CYP27A1: variants seen among roughly 807,000 people sequenced by gnomAD.
CYP27A1 encodes the protein cytochrome P450 family 27 subfamily A member 1.
Under a neutral mutation model 58.2 loss-of-function variants are expected in CYP27A1, and 46 were observed. The ratio of observed to expected loss-of-function variants is 0.79; its 90% CI spans 0.62 to 1.01. CYP27A1 has a LOEUF of 1.01. Among genes scored for constraint, CYP27A1 ranks in the 50% least tolerant of loss-of-function variants. CYP27A1 has a pLI of 0.00. For missense variants in CYP27A1, 704 were observed against 687.0 expected (o/e 1.02, Z -0.28); for synonymous variants, 274 against 285.1 (o/e 0.96, Z 0.39).
chr2:218,810,155 T>A (rs1943697480), intron 2 of CYP27A1, among the ~76,000 whole-genome samples: 1 of 152,006 alleles, frequency 6.6e-6, no homozygotes, highest in Non-Finnish European at 1.5e-5. Context: ...GGTGGGCACC[T>A]GTAATCCCAG....
chr2:218,805,423 G>T (rs921780758), intron 1 of CYP27A1, among the ~76,000 whole-genome samples: 1 of 152,194 alleles, frequency 6.6e-6, no homozygotes, highest in Non-Finnish European at 1.5e-5. Context: ...ATGTCATAAA[G>T]AAGTATGACA....
At chr2:218,794,975 A>C (rs1943532833) in intron 1 of CYP27A1, among the ~76,000 whole-genome samples, 1 of 152,192 alleles carries the variant, frequency 6.6e-6, no homozygotes, top group South Asian at 2.1e-4. Context: ...TGCATCCCTG[A>C]ATCCTGACAA....
At chr2:218,800,279 G>A (rs371155942) in intron 1 of CYP27A1, among the ~76,000 whole-genome samples, 1 of 152,046 alleles carries the variant, frequency 6.6e-6, no homozygotes, top group Admixed American at 6.6e-5. Flanking sequence ...AGTCTTCAAG[G>A]CTCAGGGAAG....
rs774975996 is a variant in CYP27A1 at position 218,814,911 on chromosome 2, C to A, written c.1477C>A (p.Leu493Met). Reference sequence around the variant, plus strand: ...ACCACATGTGCTCTTTACCCCCCAGCTGATCCAGAAGTACAAGGTGGTCCT... The same window carrying A: ...ACCACATGTGCTCTTTACCCCCCAGATGATCCAGAAGTACAAGGTGGTCCT... ...ELEMQLLLAR[L>M]IQKYKVVLAP... Residue 493 changes from leucine to methionine, a missense_variant and splice_region_variant, in exon 9 of 9, where the codon CTG becomes ATG. Transcript: ENST00000258415. 1.2e-6 allele frequency: 2 copies of A among 1,614,222 alleles called. No homozygotes were observed. Among genetic ancestry groups the A allele is most frequent in the Admixed American group, 3.3e-5 (2 of 60,026 alleles).
At chr2:218,795,057 G>A (rs929096674) in intron 1 of CYP27A1, among the ~76,000 whole-genome samples, 13 of 152,144 alleles carry the variant, frequency 8.5e-5, no homozygotes, top group Non-Finnish European at 1.6e-4. Context: ...TAGAGAATAG[G>A]AATTATCCAC....
intron 1 of CYP27A1, among the ~76,000 whole-genome samples, chr2:218,808,654 G>A (rs1943675136): frequency 6.6e-6 from 1 of 152,174 alleles, no homozygotes; most frequent in Admixed American, 6.5e-5. Context: ...TTCAGTAACT[G>A]ATTAGGAAAG....
At position 218,814,631 on chromosome 2, in the gene CYP27A1, G is replaced by A; in HGVS notation, c.1350G>A (p.Leu450=). The change falls in exon 8 of 9, where the codon CTG becomes CTA. Residue 450 remains leucine, a synonymous_variant. Transcript: ENST00000258415. ...AAAGCTTCCAGCCCCACCGCTGGCTGAGAAACAGCCAGCCTGCTACCCCCA... is the reference window on the plus strand; with the variant it reads ...AAAGCTTCCAGCCCCACCGCTGGCTAAGAAACAGCCAGCCTGCTACCCCCA... The part of the protein sequence containing the change: ...EPESFQPHRW[L]RNSQPATPRI... 1 of 1,614,244 alleles carries A rather than the reference G, an allele frequency of 6.2e-7. No individual in the cohort carries two copies. The highest frequency in any genetic ancestry group is 8.5e-7 in the Non-Finnish European group (1 of 1,180,044).
intron 1 of CYP27A1, among the ~76,000 whole-genome samples, chr2:218,806,672 C>T (rs941050373): frequency 2.0e-5 from 3 of 152,216 alleles, no homozygotes; most frequent in African/African-American, 7.2e-5. Context: ...AGCATGGCCT[C>T]CAGCCAGGTG....
At chr2:218,809,130 G>A (rs142279551) in intron 1 of CYP27A1, among the ~76,000 whole-genome samples, 222 of 151,962 alleles carry the variant, frequency 1.5e-3, no homozygotes, top group African/African-American at 5.0e-3. Flanking sequence ...GATTACATAA[G>A]GCATTCATCA....
At chr2:218,814,853 CG>C in intron 8 of CYP27A1, 57 bp from the exon 9 acceptor site, 1 of 1,613,982 alleles carries the variant, frequency 6.2e-7, no homozygotes, top group South Asian at 1.1e-5. Flanking sequence ...GTGTGCAGAG[CG>C]GGGAGTGGAT....
chr2:218,795,437 G>A (rs1943539093), intron 1 of CYP27A1, among the ~76,000 whole-genome samples: 1 of 152,136 alleles, frequency 6.6e-6, no homozygotes, highest in South Asian at 2.1e-4. Flanking sequence ...CCAGATAACT[G>A]GTGGCTATGG....
At chr2:218,812,850 G>A in intron 4 of CYP27A1, 74 bp from the exon 5 acceptor site, 1 of 1,608,990 alleles carries the variant, frequency 6.2e-7, no homozygotes, top group Admixed American at 1.7e-5. Flanking sequence ...GCTACCAGTT[G>A]TCGGAGTGGC....
intron 1 of CYP27A1, among the ~76,000 whole-genome samples, chr2:218,783,535 G>A (rs887019278): frequency 1.3e-5 from 2 of 152,172 alleles, no homozygotes; most frequent in Admixed American, 1.3e-4. Context: ...CACCTACCAT[G>A]TTCTAGGCAT....
At chr2:218,799,321 A>G (rs1412317293) in intron 1 of CYP27A1, among the ~76,000 whole-genome samples, 5 of 152,072 alleles carry the variant, frequency 3.3e-5, no homozygotes, top group Admixed American at 1.3e-4. Context: ...CCCAATTACA[A>G]ACCATCCAGA....
In CYP27A1 at chr2:218,803,415, C is replaced by T. The variant is rs116425782; in HGVS notation, c.256-6162C>T. Among the ~76,000 whole-genome samples, 1,169 of 152,192 alleles carry T rather than the reference C, an allele frequency of 7.7e-3. 19 individuals carry two copies. Among genetic ancestry groups the T allele is most frequent in the African/African-American group, 0.026 (1,080 of 41,524 alleles). ...TTTTCACATTCTTGATAATGTCCTTCGAGGCACAAAAGTTTTAAATTTCTT... is the reference window on the plus strand; with the variant it reads ...TTTTCACATTCTTGATAATGTCCTTTGAGGCACAAAAGTTTTAAATTTCTT... On this transcript the variant is annotated intron_variant, in intron 1 of 8. Coordinates refer to ENST00000258415, the MANE Select transcript of CYP27A1 (RefSeq NM_000784.4).
intron 2 of CYP27A1, among the ~76,000 whole-genome samples, chr2:218,810,975 G>A (rs563125081): frequency 8.5e-5 from 13 of 152,094 alleles, no homozygotes; most frequent in East Asian, 1.9e-4. Flanking sequence ...GTGAAACCCC[G>A]ACTCTACTAA....
At position 218,815,139 on chromosome 2, in the gene CYP27A1, A is replaced by T. The variant is rs1943777627; in HGVS notation, c.*109A>T. On this transcript the variant is annotated 3_prime_UTR_variant, in exon 9 of 9. Coordinates refer to ENST00000258415, the MANE Select transcript of CYP27A1 (RefSeq NM_000784.4). ...AGGAGGGAGAGAAGGAGGCCGCCAG[A>T]CTCGAGAGGTGGGAGGAACTCCTTG... 3 of 1,384,522 alleles carry T rather than the reference A, an allele frequency of 2.2e-6. No individual in the cohort carries two copies. The highest frequency in any genetic ancestry group is 1.0e-6 in the Non-Finnish European group (1 of 987,618). The allele number at this position is 1,384,522 out of a possible 1,614,324, so 85.8% of individuals were successfully genotyped here.
At chr2:218,809,556 A>G in intron 1 of CYP27A1, 21 bp from the exon 2 acceptor site, 1 of 1,595,828 alleles carries the variant, frequency 6.3e-7, no homozygotes, top group Non-Finnish European at 8.5e-7. Flanking sequence ...CCAGTTATTC[A>G]GTTTTGATTG....
intron 2 of CYP27A1, 63 bp downstream of exon 2, chr2:218,809,830 C>A: frequency 1.3e-6 from 2 of 1,497,646 alleles, no homozygotes; most frequent in Non-Finnish European, 9.2e-7. Flanking sequence ...AGACAGTGGG[C>A]ACAGGGCAGG....
Sources: gnomAD v4.1 joint callset for allele counts (sites outside exome capture counted in the v4.1 genomes callset) on GRCh38, gnomAD v4.1.1 for gene constraint, MANE v1.5 for transcripts, NCBI Gene and HGNC (gene_info 2026-07-23, HGNC 2026-07-21) for gene names.